SYT9: variants seen among roughly 807,000 people sequenced by gnomAD.
SYT9 encodes synaptotagmin-9.
SYT9 carries 22 observed loss-of-function variants against 48.4 expected under a neutral mutation model. The observed-to-expected ratio is 0.45, with a 90% confidence interval of 0.32 to 0.65. The LOEUF is 0.65. Ranked by LOEUF, SYT9 falls within the 30% of genes least tolerant of loss-of-function variation. The probability of loss-of-function intolerance (pLI) is 0.03; values close to 1 mark genes in which losing one functional copy is unlikely to be tolerated. For missense variants in SYT9, 577 were observed against 622.0 expected (o/e 0.93, Z 0.77); for synonymous variants, 265 against 245.0 (o/e 1.08, Z -0.76).
chr11:7,322,492 CT>C (rs1849355086), intron 3 of SYT9, among the ~76,000 whole-genome samples: 1 of 152,110 alleles, frequency 6.6e-6, no homozygotes, highest in Non-Finnish European at 1.5e-5. Flanking sequence ...ATTTTTCCCA[CT>C]TGTGATCCCT....
At chr11:7,351,054 G>T (rs779824401) in intron 3 of SYT9, among the ~76,000 whole-genome samples, 2 of 152,022 alleles carry the variant, frequency 1.3e-5, no homozygotes, top group Non-Finnish European at 2.9e-5. Context: ...AGATCAAAGC[G>T]GCCAGCTAAT....
chr11:7,327,838 C>T (rs1486339223), intron 3 of SYT9, among the ~76,000 whole-genome samples: 4 of 63,268 alleles, frequency 6.3e-5, no homozygotes, highest in East Asian at 1.1e-3. Flanking sequence ...AACCAAACAC[C>T]GCATATTCTC....
chr11:7,244,571 T>C (rs1847772940), intron 1 of SYT9, among the ~76,000 whole-genome samples: 1 of 152,204 alleles, frequency 6.6e-6, no homozygotes, highest in Non-Finnish European at 1.5e-5. Flanking sequence ...TTAGAATGAA[T>C]ACCTTTTTTG....
chr11:7,288,409 C>G lies in SYT9; in HGVS notation c.146-14630C>G, dbSNP rs117790099. The stretch of plus-strand genomic sequence containing the variant: ...TTATTTCTGTTCCATTTATTATTAT[C>G]TAACCCAAATATCTTTCAGAACATC... On this transcript the variant is annotated intron_variant, in intron 1 of 6. Coordinates refer to ENST00000318881, the MANE Select transcript of SYT9 (RefSeq NM_175733.4). Among the ~76,000 whole-genome samples the G allele has an allele frequency of 3.2e-4, 48 of 151,936 alleles. No individual in the cohort carries two copies. In the East Asian group the frequency reaches 9.3e-3, roughly 29 times the overall value.
chr11:7,355,273 T>C (rs74051121), intron 3 of SYT9, among the ~76,000 whole-genome samples: 4,239 of 152,276 alleles, frequency 0.028, 197 homozygotes, highest in African/African-American at 0.098. Flanking sequence ...TATGCTGAGA[T>C]ACAAATTTCC....
intron 3 of SYT9, among the ~76,000 whole-genome samples, chr11:7,401,192 AAAC>A (rs1846885150): frequency 6.6e-6 from 1 of 152,000 alleles, no homozygotes; most frequent in East Asian, 1.9e-4. Flanking sequence ...CAAAATTACT[AAAC>A]AACTTTTTTT....
intron 6 of SYT9, among the ~76,000 whole-genome samples, chr11:7,429,184 C>G (rs115503783): frequency 1.3e-5 from 2 of 152,196 alleles, no homozygotes; most frequent in Admixed American, 6.5e-5. Flanking sequence ...TTCTAGGGAG[C>G]CTGGCTCCAT....
chr11:7,274,375 T>A (rs893537933), intron 1 of SYT9, among the ~76,000 whole-genome samples: 13 of 149,508 alleles, frequency 8.7e-5, no homozygotes, highest in Admixed American at 2.7e-4. Flanking sequence ...TGCAGTGCAG[T>A]GGCACGATCT....
At chr11:7,247,844 G>A (rs995338383), upstream of SYT9, among the ~76,000 whole-genome samples, 10 of 152,018 alleles carry the variant, frequency 6.6e-5, no homozygotes, top group African/African-American at 2.4e-4. Context: ...TAGATACCCA[G>A]TAGTGGGACA....
chr11:7,341,001 C>G (rs1682455294), intron 3 of SYT9, among the ~76,000 whole-genome samples: 1 of 152,204 alleles, frequency 6.6e-6, no homozygotes, highest in Non-Finnish European at 1.5e-5. Context: ...GGTTGTGAAA[C>G]AGCAAAGATG....
intron 6 of SYT9, among the ~76,000 whole-genome samples, chr11:7,465,085 T>A (rs1170080666): frequency 8.6e-5 from 13 of 151,482 alleles, no homozygotes; most frequent in Non-Finnish European, 1.2e-4. Context: ...AGACTCCATC[T>A]CAAAAAAAAC....
At chr11:7,352,194 A>G (rs111419580) in intron 3 of SYT9, among the ~76,000 whole-genome samples, 12 of 152,194 alleles carry the variant, frequency 7.9e-5, no homozygotes, top group African/African-American at 2.7e-4. Flanking sequence ...CTTCTGACAT[A>G]AATGAATTTT....
chr11:7,258,021 A>G (rs905930243), intron 1 of SYT9, among the ~76,000 whole-genome samples: 1 of 152,218 alleles, frequency 6.6e-6, no homozygotes, highest in Non-Finnish European at 1.5e-5. Context: ...GAAAAATTAA[A>G]CTGACACCTA....
chr11:7,303,024 T>G lies in SYT9; in HGVS notation c.146-15T>G, dbSNP rs1414495257. 27 of 1,611,248 alleles carry G rather than the reference T, an allele frequency of 1.7e-5. No individual in the cohort carries two copies. Among genetic ancestry groups the G allele is most frequent in the Non-Finnish European group, 2.1e-5 (25 of 1,177,640 alleles). On this transcript the variant is annotated splice_polypyrimidine_tract_variant and intron_variant, in intron 1 of 6. Transcript: ENST00000318881. The stretch of plus-strand genomic sequence containing the variant: ...GGAATGACCACACTGACCTTTGATC[T>G]TTGCTTCTTTGCAGATATCTCAGTG...
intron 1 of SYT9, among the ~76,000 whole-genome samples, chr11:7,259,919 C>A (rs1487866): frequency 0.51 from 76,699 of 151,790 alleles, 19,856 homozygotes; most frequent in Non-Finnish European, 0.56. Flanking sequence ...TTGTAACACT[C>A]TTTTCCAATG....
Position 7,402,948 on chromosome 11 carries a change from CTATA to C in SYT9, c.1045-13089_1045-13086del, listed in dbSNP as rs1846925178. ...CCATTTTATCTGTAATAATGGCAGA[CTATA>C]TATACTGATTAGCTTTTTAGTGGCT... On this transcript the variant is annotated intron_variant, in intron 3 of 6. Transcript: ENST00000318881. Among the ~76,000 whole-genome samples the C allele has an allele frequency of 2.0e-5, 3 of 152,192 alleles. No individual in the cohort carries two copies. The South Asian group carries it at 6.2e-4, about 32-fold the overall frequency.
intron 6 of SYT9, among the ~76,000 whole-genome samples, chr11:7,449,295 C>G (rs1358763694): frequency 1.5e-5 from 2 of 136,390 alleles, no homozygotes; most frequent in African/African-American, 5.9e-5. Context: ...AGTGAGCCAG[C>G]CTGGGCAACA....
chr11:7,365,251 G>T (rs1195969481), intron 3 of SYT9, among the ~76,000 whole-genome samples: 1 of 151,954 alleles, frequency 6.6e-6, no homozygotes, highest in Non-Finnish European at 1.5e-5. Context: ...CAAATGATTC[G>T]TTGGGAAAAT....
chr11:7,275,097 A>G (rs1179661022), intron 1 of SYT9, among the ~76,000 whole-genome samples: 1 of 151,974 alleles, frequency 6.6e-6, no homozygotes, highest in Non-Finnish European at 1.5e-5. Context: ...GCACAGAGCC[A>G]GCTAGCAGAG....
Sources: gnomAD v4.1 joint callset for allele counts (sites outside exome capture counted in the v4.1 genomes callset) on GRCh38, gnomAD v4.1.1 for gene constraint, MANE v1.5 for transcripts, NCBI Gene and HGNC (gene_info 2026-07-23, HGNC 2026-07-21) for gene names.